The following CFAP77 variants were observed in gnomAD, a reference collection of about 807,000 sequenced individuals.
CFAP77 encodes the protein cilia- and flagella-associated protein 77.
CFAP77 carries 25 observed loss-of-function variants against 31.1 expected under a neutral mutation model. The observed-to-expected ratio is 0.80, with a 90% CI of 0.59 to 1.12. The LOEUF (loss-of-function observed/expected upper bound fraction) is 1.12, where lower values mean the gene tolerates loss of function less well. CFAP77 is among the 50% of genes most tolerant of loss of function. The pLI is 0.00. For synonymous variants in CFAP77, 151 were observed against 159.9 expected (o/e 0.94, Z 0.42); for missense variants, 377 against 397.3 (o/e 0.95, Z 0.44).
intron 3 of CFAP77, among the ~76,000 whole-genome samples, chr9:132,530,655 A>G (rs1026894967): frequency 1.3e-5 from 2 of 151,916 alleles, no homozygotes; most frequent in Non-Finnish European, 1.5e-5. Flanking sequence ...AGAGTTTTTT[A>G]TTCTAGATAC....
intron 1 of CFAP77, among the ~76,000 whole-genome samples, chr9:132,442,915 G>T (rs1564205442): frequency 6.6e-6 from 1 of 152,000 alleles, no homozygotes; most frequent in Admixed American, 6.6e-5. Context: ...CCTCTGTTTT[G>T]AAAGTTTTTT....
At chr9:132,464,570 G>A (rs998845851) in intron 1 of CFAP77, among the ~76,000 whole-genome samples, 23 of 152,148 alleles carry the variant, frequency 1.5e-4, no homozygotes, top group Non-Finnish European at 2.9e-5. Context: ...AACCCACTAT[G>A]TCCAAAATAC....
rs1483742249 is a variant in CFAP77 at position 132,424,443 on chromosome 9, C to A, written c.195+13977C>A. Among the ~76,000 whole-genome samples the A allele has an allele frequency of 6.6e-6, 1 of 151,586 alleles. No individual in the cohort carries two copies. Among genetic ancestry groups the A allele is most frequent in the Non-Finnish European group, 1.5e-5 (1 of 67,916 alleles). On this transcript the variant is annotated intron_variant, in intron 1 of 5. Transcript: ENST00000393216. The surrounding 1 kb of genome is among the most constrained non-coding windows in gnomAD (Gnocchi z 4.1). The stretch of plus-strand genomic sequence containing the variant: ...AGTTAGGAAGAGGGAGCAGCCCTGG[C>A]CTGGCCTGGTCCAGAAAGACCTGTG...
chr9:132,474,780 G>C (rs1851323558), intron 1 of CFAP77, among the ~76,000 whole-genome samples: 1 of 152,208 alleles, frequency 6.6e-6, no homozygotes, highest in South Asian at 2.1e-4. Flanking sequence ...ATGCCTGGAG[G>C]AAGTTTTCTC....
chr9:132,483,936 C>CTT (rs1193968732), intron 1 of CFAP77, among the ~76,000 whole-genome samples: 2,104 of 132,954 alleles, frequency 0.016, 47 homozygotes, highest in African/African-American at 0.043. Flanking sequence ...GAGGTATTGT[C>CTT]TTTTTTTTTT....
intron 1 of CFAP77, among the ~76,000 whole-genome samples, chr9:132,459,739 T>G (rs1395151969): frequency 1.3e-5 from 2 of 150,478 alleles, no homozygotes; most frequent in African/African-American, 5.0e-5. Context: ...TGTATATGTG[T>G]GTGAGTGTGT....
chr9:132,537,462 G>A, intron 3 of CFAP77, 139 bp from the exon 4 acceptor site: 2 of 625,978 alleles, frequency 3.2e-6, no homozygotes, highest in Non-Finnish European at 5.7e-6. Context: ...TGAGCGCTGG[G>A]AGAGAGGCTT....
At chr9:132,438,658 C>G (rs1850557965) in intron 1 of CFAP77, among the ~76,000 whole-genome samples, 1 of 150,274 alleles carries the variant, frequency 6.7e-6, no homozygotes, top group African/African-American at 2.4e-5. Context: ...ACCTCAGCCT[C>G]CTGAGTAGCT....
chr9:132,570,078 CA>C (rs1829938216), intron 5 of CFAP77, among the ~76,000 whole-genome samples: 1 of 152,176 alleles, frequency 6.6e-6, no homozygotes, highest in Admixed American at 6.5e-5. Flanking sequence ...GATCGTGTCA[CA>C]GTGTAAACAT....
At chr9:132,520,182 C>G (rs1257150882) in intron 3 of CFAP77, among the ~76,000 whole-genome samples, 1 of 151,916 alleles carries the variant, frequency 6.6e-6, no homozygotes, top group African/African-American at 2.4e-5. Context: ...ATTCATAAAG[C>G]CTTTCCTCTG....
At chr9:132,438,541 A>T (rs199572720) in intron 1 of CFAP77, among the ~76,000 whole-genome samples, 15,468 of 108,064 alleles carry the variant, frequency 0.14, 1,493 homozygotes, top group Non-Finnish European at 0.19. Context: ...ATATATATAT[A>T]TTTTTTTTTT....
chr9:132,459,924 G>A lies in CFAP77; in HGVS notation c.196-38771G>A, dbSNP rs113751955. Among the ~76,000 whole-genome samples the A allele has an allele frequency of 9.9e-3, 1,509 of 151,952 alleles. 25 individuals carry two copies. The highest frequency in any genetic ancestry group is 0.035 in the African/African-American group (1,445 of 41,426). ...TTAGTGTGTGAGTGTGAGTTTGTAT[G>A]AGTGTGTGCGTGAGTGTGTGTGAGT... is the stretch of plus-strand genomic sequence containing the variant. On this transcript the variant is annotated intron_variant, in intron 1 of 5. Coordinates refer to ENST00000393216, the MANE Select transcript of CFAP77 (RefSeq NM_001282957.2).
intron 3 of CFAP77, among the ~76,000 whole-genome samples, chr9:132,513,594 G>A (rs887833454): frequency 9.2e-5 from 14 of 152,138 alleles, no homozygotes; most frequent in African/African-American, 2.7e-4. Flanking sequence ...CACATGACTC[G>A]CTCATCTCAT....
intron 1 of CFAP77, among the ~76,000 whole-genome samples, chr9:132,470,095 T>C (rs1398155822): frequency 6.6e-6 from 1 of 152,124 alleles, no homozygotes; most frequent in East Asian, 1.9e-4. Flanking sequence ...CACCTCAGCC[T>C]CCCAAAGTGC....
chr9:132,426,054 C>T (rs1537233), intron 1 of CFAP77, among the ~76,000 whole-genome samples: 117,662 of 152,136 alleles, frequency 0.77, 46,601 homozygotes, highest in Non-Finnish European at 0.86. Flanking sequence ...GTCATTCTGC[C>T]GAGACCCCCG....
In CFAP77 at chr9:132,552,452, T is replaced by C. The variant is rs1249173596; in HGVS notation, c.732+9405T>C. 1.3e-5 allele frequency among the ~76,000 whole-genome samples: 2 copies of C among 151,972 alleles called. No individual in the cohort carries two copies. On this transcript the variant is annotated intron_variant, in intron 5 of 5. Transcript: ENST00000393216. This position sits in a 1 kb window ranked among gnomAD's most constrained non-coding sequence, Gnocchi z 5.5. Reference sequence around the variant, plus strand: ...CTCATGCCTGTAATCTCCCAGCACTTTGGGAGGCCAAGGCGGGAGGATCAC... The same window carrying C: ...CTCATGCCTGTAATCTCCCAGCACTCTGGGAGGCCAAGGCGGGAGGATCAC...
At chr9:132,448,731 C>A (rs992643260) in intron 1 of CFAP77, among the ~76,000 whole-genome samples, 4 of 152,156 alleles carry the variant, frequency 2.6e-5, no homozygotes, top group African/African-American at 9.7e-5. Flanking sequence ...GGATTGCAGG[C>A]ATGCACCACC....
chr9:132,429,343 A>G (rs1276680027), intron 1 of CFAP77, among the ~76,000 whole-genome samples: 1 of 152,000 alleles, frequency 6.6e-6, no homozygotes, highest in Non-Finnish European at 1.5e-5. Flanking sequence ...ATTTGAGACC[A>G]GCCTGGCCAA....
chr9:132,457,229 G>A (rs938181526), intron 1 of CFAP77, among the ~76,000 whole-genome samples: 17 of 147,098 alleles, frequency 1.2e-4, no homozygotes, highest in African/African-American at 4.2e-4. Flanking sequence ...GTGATCCTGA[G>A]GACTCGCTCC....
Sources: allele counts gnomAD v4.1 joint callset (sites outside exome capture counted in the v4.1 genomes callset), GRCh38; gene constraint gnomAD v4.1.1; non-coding constraint Gnocchi (gnomAD v3.1); transcripts MANE v1.5; gene names NCBI Gene and HGNC (gene_info 2026-07-23, HGNC 2026-07-21).